Variants in COL4A4 observed in about 807,000 individuals in gnomAD.
COL4A4 encodes collagen type IV alpha 4 chain.
In COL4A4, 105 loss-of-function variants were observed where a neutral mutation model predicts 192.9. The observed-to-expected ratio is 0.54, with a 90% CI of 0.46 to 0.64. COL4A4 has a LOEUF of 0.64. COL4A4 is among the 30% of genes least tolerant of loss of function. COL4A4 has a pLI of 0.00. For synonymous variants in COL4A4, 762 were observed against 769.9 expected (o/e 0.99, Z 0.17); for missense variants, 1,967 against 2,169.3 (o/e 0.91, Z 1.85).
At chr2:227,045,965 ATT>A (rs376202057) in intron 35 of COL4A4, among the ~76,000 whole-genome samples, 2,559 of 44,210 alleles carry the variant, frequency 0.058, 316 homozygotes, top group South Asian at 0.14. Context: ...ATATGTATAT[ATT>A]TATATGTGTA....
At chr2:227,096,822 A>T (rs2060228951) in intron 19 of COL4A4, among the ~76,000 whole-genome samples, 1 of 152,198 alleles carries the variant, frequency 6.6e-6, no homozygotes, top group Admixed American at 6.5e-5. Flanking sequence ...CTTTCACTAA[A>T]TGCTAAGGTG....
chr2:227,148,706 T>C (rs549109750), intron 1 of COL4A4, among the ~76,000 whole-genome samples: 25 of 152,192 alleles, frequency 1.6e-4, no homozygotes, highest in African/African-American at 5.8e-4. Flanking sequence ...CGAAGAAGTC[T>C]TTACTTTGAT....
At chr2:227,026,778 T>TA (rs1966909687) in intron 42 of COL4A4, among the ~76,000 whole-genome samples, 1 of 152,198 alleles carries the variant, frequency 6.6e-6, no homozygotes, top group Non-Finnish European at 1.5e-5. Flanking sequence ...CCTATAGAGT[T>TA]AAACTGAATA....
chr2:227,060,175 G>A lies in COL4A4; in HGVS notation c.2125C>T (p.Pro709Ser). ...ATTTCCGCTGTTCCTGGTGTGCCAG[G>A]TCTGCCTTTATGCCCATCTGAACCA... ...LSGSDGHKGR[P>S]GTPGTAEIPG... is the part of the protein sequence containing the mutation. The change falls in exon 27 of 48, where the codon CCT (proline) becomes TCT (serine). Residue 709 changes from proline to serine, a missense_variant. By Grantham distance (74) the Pro-to-Ser change is moderately conservative. Transcript: ENST00000396625. The A allele has an allele frequency of 3.7e-6, 6 of 1,609,548 alleles. No individual in the cohort carries two copies. Among genetic ancestry groups the A allele is most frequent in the East Asian group, 2.2e-5 (1 of 44,754 alleles).
intron 2 of COL4A4, among the ~76,000 whole-genome samples, chr2:227,145,871 C>G (rs1158849254): frequency 6.6e-6 from 1 of 152,130 alleles, no homozygotes; most frequent in Non-Finnish European, 1.5e-5. Context: ...CAACACAAGC[C>G]AGGTTGGCTT....
chr2:227,033,503 T>C (rs1379649022), intron 37 of COL4A4, 22 bp from the exon 38 acceptor site: 6 of 1,608,014 alleles, frequency 3.7e-6, no homozygotes, highest in Non-Finnish European at 4.2e-6. Context: ...CACAGGCCTG[T>C]GACCCAAAGG....
chr2:227,064,393 T>C (rs142532410), intron 25 of COL4A4, among the ~76,000 whole-genome samples: 5 of 152,220 alleles, frequency 3.3e-5, no homozygotes, highest in East Asian at 1.9e-4. Context: ...CTAAGACATA[T>C]GGTATTAGTA....
chr2:227,093,722 C>T (rs2060058133), intron 20 of COL4A4, among the ~76,000 whole-genome samples: 1 of 152,016 alleles, frequency 6.6e-6, no homozygotes, highest in Non-Finnish European at 1.5e-5. Flanking sequence ...AAACTCCAGT[C>T]TTCCATTTAG....
intron 40 of COL4A4, among the ~76,000 whole-genome samples, 200 bp downstream of exon 40, chr2:227,031,745 G>A (rs1968458915): frequency 6.6e-6 from 1 of 152,140 alleles, no homozygotes; most frequent in South Asian, 2.1e-4. Flanking sequence ...AGAGGGCCAA[G>A]TCCTGGTCCT....
intron 7 of COL4A4, 28 bp downstream of exon 7, chr2:227,118,617 C>G: frequency 6.6e-7 from 1 of 1,521,630 alleles, no homozygotes; most frequent in Non-Finnish European, 9.1e-7. Context: ...CTTAAGATTC[C>G]TGTTAAGATG....
intron 43 of COL4A4, among the ~76,000 whole-genome samples, chr2:227,024,154 C>G (rs1966572862): frequency 2.0e-5 from 3 of 152,252 alleles, no homozygotes; most frequent in African/African-American, 7.2e-5. Context: ...ACCACCTCAT[C>G]AGACTGCATC....
At chr2:227,089,050 G>A (rs373638992) in intron 21 of COL4A4, among the ~76,000 whole-genome samples, 18 of 152,146 alleles carry the variant, frequency 1.2e-4, no homozygotes, top group South Asian at 6.2e-4. Context: ...GGAGGGTTTC[G>A]TTCCTTAATA....
downstream of COL4A4, among the ~76,000 whole-genome samples, chr2:227,000,025 A>G (rs1283747024): frequency 1.3e-5 from 2 of 152,260 alleles, no homozygotes; most frequent in Non-Finnish European, 2.9e-5. Context: ...TATTTATTTG[A>G]GATTCTTTCA....
chr2:227,019,436 T>G (rs893705224), intron 44 of COL4A4, among the ~76,000 whole-genome samples: 6 of 152,180 alleles, frequency 3.9e-5, no homozygotes, highest in Admixed American at 2.0e-4. Flanking sequence ...ACAGTTACAG[T>G]AGCAAGGATG....
At chr2:227,118,598 G>A (rs2061611389) in intron 7 of COL4A4, 47 bp downstream of exon 7, 1 of 1,351,924 alleles carries the variant, frequency 7.4e-7, no homozygotes, top group Non-Finnish European at 1.1e-6. Context: ...CCACCACAGG[G>A]CCTGTTCACT....
At position 227,050,162 on chromosome 2, in the gene COL4A4, T is replaced by G. The variant is rs572279679; in HGVS notation, c.3151-31A>C. ...AGTTTAATGAAACAAAAGGCCTTAA[T>G]CAGATTTCAAATACAAATGGCACAT... On this transcript the variant is annotated intron_variant, in intron 33 of 47. Transcript: ENST00000396625. The G allele has an allele frequency of 1.6e-5, 26 of 1,594,726 alleles. No homozygotes were observed. In the South Asian group the frequency reaches 2.9e-4, roughly 18 times the overall value.
At chr2:227,044,986 G>A (rs1407539314) in intron 35 of COL4A4, among the ~76,000 whole-genome samples, 2 of 152,174 alleles carry the variant, frequency 1.3e-5, no homozygotes, top group African/African-American at 4.8e-5. Context: ...GAAAAAGTCA[G>A]CCTAAGTGTA....
the COL4A4 span, chr2:226,988,518 C>A: frequency 6.6e-7 from 1 of 1,512,962 alleles, no homozygotes; most frequent in Non-Finnish European, 8.8e-7. Flanking sequence ...AGGTGGATAG[C>A]AGCTGCCCGC....
intron 5 of COL4A4, among the ~76,000 whole-genome samples, chr2:227,120,172 C>T (rs2061699196): frequency 6.6e-6 from 1 of 152,124 alleles, no homozygotes; most frequent in Admixed American, 6.6e-5. Context: ...ATTCAACATG[C>T]TGTGAACAGA....
Sources: gnomAD v4.1 joint callset for allele counts (sites outside exome capture counted in the v4.1 genomes callset) on GRCh38, gnomAD v4.1.1 for gene constraint, MANE v1.5 for transcripts, NCBI Gene and HGNC (gene_info 2026-07-23, HGNC 2026-07-21) for gene names.